The following MAF variants were observed in gnomAD, a reference collection of about 807,000 sequenced individuals.
MAF encodes the protein transcription factor Maf.
A neutral mutation model predicts 22.0 loss-of-function variants in MAF; 10 were observed. That is an observed-to-expected ratio of 0.45 (90% confidence interval 0.28 to 0.77). The LOEUF (loss-of-function observed/expected upper bound fraction) is 0.77, where lower values mean the gene tolerates loss of function less well. MAF is among the 30% of genes least tolerant of loss of function. The probability of loss-of-function intolerance (pLI) is 0.12; values close to 1 mark genes in which losing one functional copy is unlikely to be tolerated. For synonymous variants in MAF, 337 were observed against 255.8 expected, an observed-to-expected ratio of 1.32 and a Z score of -3.03; for missense variants, 544 against 548.4, an observed-to-expected ratio of 0.99 and a Z score of 0.08.
At chr16:79,383,168 A>G in the MAF span, among the ~76,000 whole-genome samples, 1 of 152,182 alleles carries the variant, frequency 6.6e-6, no homozygotes, top group Non-Finnish European at 1.5e-5. Context: ...TTGAACCAGA[A>G]AGAAATGCTC....
the MAF span, among the ~76,000 whole-genome samples, chr16:79,292,946 G>A: frequency 6.6e-6 from 1 of 152,142 alleles, no homozygotes; most frequent in African/African-American, 2.4e-5. Flanking sequence ...TAAAAGGGTA[G>A]GAACCCTCAG....
At chr16:79,557,573 C>G in the MAF span, among the ~76,000 whole-genome samples, 1 of 152,040 alleles carries the variant, frequency 6.6e-6, no homozygotes, top group Non-Finnish European at 1.5e-5. Context: ...TGTTACAGCC[C>G]TAAAGACTCA....
chr16:79,347,909 A>T, the MAF span, among the ~76,000 whole-genome samples: 3 of 152,274 alleles, frequency 2.0e-5, no homozygotes, highest in Non-Finnish European at 2.9e-5. Flanking sequence ...GAAGAAAGGG[A>T]TGTGTGTGTA....
At chr16:79,248,240 A>G in the MAF span, among the ~76,000 whole-genome samples, 7 of 151,966 alleles carry the variant, frequency 4.6e-5, no homozygotes, top group African/African-American at 1.5e-4. Flanking sequence ...TAAGAGAGCC[A>G]CTTAGAATTA....
the MAF span, among the ~76,000 whole-genome samples, chr16:79,279,021 A>G: frequency 6.6e-6 from 1 of 152,016 alleles, no homozygotes; most frequent in Non-Finnish European, 1.5e-5. Context: ...CATGCTTCCT[A>G]TTTTCTGGGG....
At chr16:79,553,250 AGGGAAG>A in the MAF span, among the ~76,000 whole-genome samples, 1 of 152,218 alleles carries the variant, frequency 6.6e-6, no homozygotes, top group Non-Finnish European at 1.5e-5. Context: ...CAGCAACTCC[AGGGAAG>A]GCCTTGGCCA....
the MAF span, among the ~76,000 whole-genome samples, chr16:79,271,593 A>T: frequency 6.6e-6 from 1 of 152,118 alleles, no homozygotes; most frequent in Non-Finnish European, 1.5e-5. Context: ...CAACCCCTCA[A>T]TTGCTTATTT....
the MAF span, among the ~76,000 whole-genome samples, chr16:79,552,363 C>T: frequency 3.3e-5 from 5 of 152,122 alleles, no homozygotes; most frequent in East Asian, 9.7e-4. Flanking sequence ...TGCACCACCA[C>T]ATCCAGCTTA....
At chr16:79,247,645 G>A in the MAF span, among the ~76,000 whole-genome samples, 32 of 152,232 alleles carry the variant, frequency 2.1e-4, no homozygotes, top group Non-Finnish European at 3.8e-4. Context: ...CTGCTTAGCC[G>A]GTCTTACCAC....
the MAF span, among the ~76,000 whole-genome samples, chr16:79,296,566 T>G: frequency 1.3e-5 from 2 of 152,162 alleles, no homozygotes; most frequent in African/African-American, 4.8e-5. Flanking sequence ...GTTTCATAAA[T>G]AGGCATTTCG....
chr16:79,319,881 C>T, the MAF span, among the ~76,000 whole-genome samples: 6 of 152,202 alleles, frequency 3.9e-5, no homozygotes, highest in South Asian at 6.2e-4. Context: ...TGAGGTTAGG[C>T]GACTGTTTGA....
the MAF span, among the ~76,000 whole-genome samples, chr16:79,381,599 G>A: frequency 1.5e-3 from 232 of 152,292 alleles, 4 homozygotes; most frequent in African/African-American, 5.3e-3. Flanking sequence ...CCTGGCCCTG[G>A]GAGAGTCGGG....
At chr16:79,564,073 C>G in the MAF span, among the ~76,000 whole-genome samples, 1 of 152,154 alleles carries the variant, frequency 6.6e-6, no homozygotes. Context: ...TGGAGCAGAC[C>G]CTGCTTTCAA....
At chr16:79,359,277 C>T in the MAF span, among the ~76,000 whole-genome samples, 7 of 152,124 alleles carry the variant, frequency 4.6e-5, no homozygotes, top group South Asian at 2.1e-4. Context: ...CATCTTTGCA[C>T]GAGGTCTCAG....
At chr16:79,553,327 C>G in the MAF span, among the ~76,000 whole-genome samples, 2 of 152,212 alleles carry the variant, frequency 1.3e-5, no homozygotes, top group Non-Finnish European at 2.9e-5. Context: ...GAGTGGCTTC[C>G]AATGGAGCCT....
chr16:79,401,820 T>C, the MAF span, among the ~76,000 whole-genome samples: 145 of 152,228 alleles, frequency 9.5e-4, 3 homozygotes, highest in African/African-American at 3.3e-3. Flanking sequence ...AGCTGTGAGA[T>C]GAAATGTGTA....
At chr16:79,461,707 T>G in the MAF span, among the ~76,000 whole-genome samples, 1 of 152,138 alleles carries the variant, frequency 6.6e-6, no homozygotes, top group Non-Finnish European at 1.5e-5. Context: ...CTCATGTCCA[T>G]GTGGTTACTG....
the MAF span, among the ~76,000 whole-genome samples, chr16:79,374,579 G>C: frequency 6.6e-6 from 1 of 152,130 alleles, no homozygotes; most frequent in African/African-American, 2.4e-5. Context: ...ATTCAGCAAG[G>C]ATTTATTGAT....
At chr16:79,509,325 A>G in the MAF span, among the ~76,000 whole-genome samples, 1 of 152,302 alleles carries the variant, frequency 6.6e-6, no homozygotes, top group South Asian at 2.1e-4. Context: ...ACAGCCCAGG[A>G]AGGAGGAGGC....
Sources: allele counts gnomAD v4.1 joint callset (sites outside exome capture counted in the v4.1 genomes callset), GRCh38; gene constraint gnomAD v4.1.1; transcripts MANE v1.5; gene names NCBI Gene and HGNC (gene_info 2026-07-23, HGNC 2026-07-21).